WASF2: variants seen among roughly 807,000 people sequenced by gnomAD.
WASF2 encodes the protein WASP family member 2.
WASF2 carries 14 observed loss-of-function variants against 45.0 expected under a neutral mutation model. The ratio of observed to expected loss-of-function variants is 0.31; its 90% CI spans 0.21 to 0.49. The LOEUF is 0.49. Ranked by LOEUF, WASF2 falls within the 20% of genes least tolerant of loss-of-function variation. The pLI is 0.99. For synonymous variants in WASF2, 200 were observed against 236.3 expected, an observed-to-expected ratio of 0.85 and a Z score of 1.41; for missense variants, 439 against 636.1, an observed-to-expected ratio of 0.69 and a Z score of 3.33.
intron 1 of WASF2, among the ~76,000 whole-genome samples, chr1:27,466,992 A>G (rs560133678): frequency 4.5e-4 from 69 of 151,990 alleles, no homozygotes; most frequent in Non-Finnish European, 8.2e-4. Flanking sequence ...GGGCAGGCAG[A>G]TTGTTTGAGC....
At chr1:27,456,878 G>T (rs2017475216) in intron 1 of WASF2, among the ~76,000 whole-genome samples, 3 of 151,906 alleles carry the variant, frequency 2.0e-5, no homozygotes, top group Admixed American at 2.0e-4. Context: ...TGGGAATATA[G>T]GCGTCCGTCC....
chr1:27,476,443 C>A (rs764918391), intron 1 of WASF2, among the ~76,000 whole-genome samples: 1 of 152,208 alleles, frequency 6.6e-6, no homozygotes, highest in African/African-American at 2.4e-5. Flanking sequence ...CCAAGCCATT[C>A]ATGAGGGACC....
chr1:27,477,151 A>G (rs2017776617), intron 1 of WASF2, among the ~76,000 whole-genome samples: 1 of 152,248 alleles, frequency 6.6e-6, no homozygotes, highest in Non-Finnish European at 1.5e-5. Flanking sequence ...TAGTCATCAT[A>G]GCACAAAAAA....
intron 1 of WASF2, among the ~76,000 whole-genome samples, chr1:27,456,821 C>T (rs1389820873): frequency 2.0e-5 from 3 of 151,570 alleles, no homozygotes; most frequent in Non-Finnish European, 4.4e-5. Context: ...CTGCAACCTC[C>T]GCCTCACGGG....
Position 27,406,105 on chromosome 1 carries a change from T to C in WASF2, c.*2084A>G, listed in dbSNP as rs143757437. 0.016 allele frequency: 2,456 copies of C among 152,710 alleles called. 186 individuals are homozygous for C. Among genetic ancestry groups the C allele is most frequent in the Admixed American group, 0.14 (2,088 of 15,284 alleles). The allele number at this position is 152,710 out of a possible 1,614,324, so 9.5% of individuals were successfully genotyped here. A position where few individuals can be genotyped will look rare whatever the true frequency, so the allele number is the denominator to read the frequency against. On this transcript the variant is annotated 3_prime_UTR_variant, in exon 9 of 9. Coordinates refer to ENST00000618852, the MANE Select transcript of WASF2 (RefSeq NM_006990.5). ...CCTGGCCAGGCCCCAGGTCTCCTAT[T>C]TGGGAGAACCACTGCCCTCTGCCTG...
chr1:27,416,218 T>C, intron 4 of WASF2, 116 bp from the exon 5 acceptor site: 3 of 823,230 alleles, frequency 3.6e-6, no homozygotes, highest in South Asian at 3.0e-5. Context: ...AAGAAGTCAT[T>C]TGAATCGATT....
chr1:27,452,239 G>A (rs72653302), intron 1 of WASF2, among the ~76,000 whole-genome samples: 2,006 of 152,310 alleles, frequency 0.013, 22 homozygotes, highest in Non-Finnish European at 0.02. Context: ...CGCAGGCTGC[G>A]CGCCGTGGCT....
chr1:27,418,598 C>T (rs181034047), intron 3 of WASF2, among the ~76,000 whole-genome samples, 176 bp from the exon 4 acceptor site: 6 of 152,278 alleles, frequency 3.9e-5, no homozygotes, highest in Admixed American at 3.3e-4. Flanking sequence ...GCAGCCCAGT[C>T]GTTTCACGAC....
intron 1 of WASF2, chr1:27,457,286 A>G (rs948117529): frequency 1.3e-5 from 2 of 151,950 alleles, no homozygotes; most frequent in Non-Finnish European, 1.5e-5. Context: ...TATTAAATTG[A>G]TTAGTAGGGT....
intron 1 of WASF2, among the ~76,000 whole-genome samples, chr1:27,464,346 AT>A (rs1351899392): frequency 6.6e-6 from 1 of 152,010 alleles, no homozygotes; most frequent in African/African-American, 2.4e-5. Flanking sequence ...AGATCACACC[AT>A]TGCACTCTAG....
intron 1 of WASF2, among the ~76,000 whole-genome samples, chr1:27,467,869 G>A (rs1050746194): frequency 6.6e-6 from 1 of 151,792 alleles, no homozygotes; most frequent in Non-Finnish European, 1.5e-5. Flanking sequence ...TCGAGATCAC[G>A]CCACTGCACT....
intron 1 of WASF2, among the ~76,000 whole-genome samples, chr1:27,475,937 A>C (rs913385052): frequency 1.3e-5 from 2 of 152,162 alleles, no homozygotes; most frequent in Admixed American, 1.3e-4. Context: ...CACTACACCC[A>C]GCCTTATTTA....
chr1:27,426,344 T>C (rs1188150630), intron 2 of WASF2, among the ~76,000 whole-genome samples: 1 of 151,962 alleles, frequency 6.6e-6, no homozygotes, highest in African/African-American at 2.4e-5. Flanking sequence ...AGAAAGAAGG[T>C]AGAGGGAGGC....
chr1:27,444,917 C>T (rs182164912), intron 1 of WASF2, among the ~76,000 whole-genome samples: 1 of 152,326 alleles, frequency 6.6e-6, no homozygotes, highest in East Asian at 1.9e-4. Context: ...TTCTAAGAAG[C>T]CTTCCCTGAA....
At chr1:27,445,140 T>C (rs568183503) in intron 1 of WASF2, among the ~76,000 whole-genome samples, 1 of 152,368 alleles carries the variant, frequency 6.6e-6, no homozygotes, top group South Asian at 2.1e-4. Context: ...ATTCTTAAAA[T>C]TTCTTTTCAT....
At position 27,412,695 on chromosome 1, in the gene WASF2, C is replaced by T; in HGVS notation, c.701G>A (p.Ser234Asn). Residue 234 changes from serine (S) to asparagine (N), a missense_variant, in exon 7 of 9, where the codon AGC becomes AAC. Physicochemically the swap from Ser to Asn is conservative, Grantham distance 46. Coordinates refer to ENST00000618852, the MANE Select transcript of WASF2 (RefSeq NM_006990.5). ...ATCCACGTTTTCAACACAGCCAATG[C>T]TGCCATTCTGGTACACCAAAGTGGG... is the stretch of plus-strand genomic sequence containing the variant. ...YPPTLVYQNG[S>N]IGCVENVDAS... 6.2e-7 allele frequency: 1 copy of T among 1,614,232 alleles called. No homozygotes were observed.
At chr1:27,489,893 C>T (rs2018006974) in intron 1 of WASF2, 93 bp downstream of exon 1, 1 of 152,344 alleles carries the variant, frequency 6.6e-6, no homozygotes, top group South Asian at 2.1e-4. Flanking sequence ...TCCCGGCACC[C>T]AGTCCCCCGA....
rs143459882 is a variant in WASF2 at position 27,426,132 on chromosome 1, T to C, written c.130+2629A>G. Among the ~76,000 whole-genome samples, 225 of 152,284 alleles carry C rather than the reference T, an allele frequency of 1.5e-3. 1 individual carries two copies. Among genetic ancestry groups the C allele is most frequent in the African/African-American group, 5.2e-3 (218 of 41,538 alleles). ...TGAATGCTAGGCCAAGGAACTTAAA[T>C]AATTCCACAGTGAGGAAGAGGGGAG... On this transcript the variant is annotated intron_variant, in intron 2 of 8. Transcript: ENST00000618852.
At chr1:27,462,854 G>A (rs944130909) in intron 1 of WASF2, among the ~76,000 whole-genome samples, 1 of 151,258 alleles carries the variant, frequency 6.6e-6, no homozygotes, top group African/African-American at 2.4e-5. Flanking sequence ...TTTTTTTTTA[G>A]ATGGAGTCTC....
Sources: allele counts gnomAD v4.1 joint callset (sites outside exome capture counted in the v4.1 genomes callset), GRCh38; gene constraint gnomAD v4.1.1; transcripts MANE v1.5; gene names NCBI Gene and HGNC (gene_info 2026-07-23, HGNC 2026-07-21).